TTC29: variants seen among roughly 807,000 people sequenced by gnomAD.
TTC29 encodes the protein tetratricopeptide repeat domain 29, also known as tetratricopeptide repeat protein 29.
TTC29 carries 49 observed loss-of-function variants against 58.1 expected under a neutral mutation model. The observed-to-expected ratio is 0.84, with a 90% CI of 0.67 to 1.07. The LOEUF is 1.07. Among genes scored for constraint, TTC29 ranks in the 50% least tolerant of loss-of-function variants. The pLI, the probability that TTC29 is intolerant of heterozygous loss-of-function variation, is 0.00. For missense variants in TTC29, 582 were observed against 555.6 expected (o/e 1.05, Z -0.48); for synonymous variants, 209 against 196.8 (o/e 1.06, Z -0.52).
chr4:146,905,977 A>T (rs1268752571), intron 5 of TTC29, among the ~76,000 whole-genome samples: 1 of 152,180 alleles, frequency 6.6e-6, no homozygotes, highest in Non-Finnish European at 1.5e-5. Flanking sequence ...AACAAACATT[A>T]TTAGAAAAAA....
At chr4:146,749,320 TA>T (rs959253424) in intron 11 of TTC29, among the ~76,000 whole-genome samples, 9 of 151,698 alleles carry the variant, frequency 5.9e-5, no homozygotes, top group African/African-American at 1.9e-4. Context: ...CAAAACAAAC[TA>T]AAAAGATATA....
chr4:146,797,202 A>G (rs1164734318), intron 11 of TTC29, among the ~76,000 whole-genome samples: 1 of 152,224 alleles, frequency 6.6e-6, no homozygotes, highest in Non-Finnish European at 1.5e-5. Flanking sequence ...CTACAAAATC[A>G]GATTTCTCCA....
At chr4:146,739,307 G>T (rs572313940) in intron 11 of TTC29, among the ~76,000 whole-genome samples, 2 of 152,094 alleles carry the variant, frequency 1.3e-5, no homozygotes, top group Non-Finnish European at 2.9e-5. Context: ...AATTTAAAGT[G>T]CTCTTTAAGG....
At chr4:146,713,481 T>C (rs374414238) in intron 11 of TTC29, among the ~76,000 whole-genome samples, 2 of 152,208 alleles carry the variant, frequency 1.3e-5, no homozygotes, top group African/African-American at 4.8e-5. Context: ...AAACAAAAAG[T>C]TAATCTTTCT....
rs1408301718 is a variant in TTC29 at position 146,894,422 on chromosome 4, T to A, written c.586+9122A>T. ...GGAAACCATCATTCTCAGCAAACTATCACAAGGACAAAAAACCAAACACCA... is the reference window on the plus strand; with the variant it reads ...GGAAACCATCATTCTCAGCAAACTAACACAAGGACAAAAAACCAAACACCA... On this transcript the variant is annotated intron_variant, in intron 6 of 12. Coordinates refer to ENST00000325106, the MANE Select transcript of TTC29 (RefSeq NM_031956.4). 4.6e-5 allele frequency among the ~76,000 whole-genome samples: 7 copies of A among 150,616 alleles called. No homozygotes were observed. The South Asian group carries it at 1.5e-3, about 32-fold the overall frequency.
chr4:146,942,349 A>G (rs1736482038), intron 2 of TTC29, among the ~76,000 whole-genome samples: 1 of 152,244 alleles, frequency 6.6e-6, no homozygotes, highest in South Asian at 2.1e-4. Context: ...TCTCCTACAG[A>G]CTAAACATTA....
At chr4:146,790,713 T>C (rs1749384997) in intron 11 of TTC29, among the ~76,000 whole-genome samples, 1 of 152,142 alleles carries the variant, frequency 6.6e-6, no homozygotes, top group Non-Finnish European at 1.5e-5. Context: ...TTCCTGACCA[T>C]GTGAGTCATG....
intron 10 of TTC29, among the ~76,000 whole-genome samples, chr4:146,805,178 G>C (rs1481959437): frequency 6.6e-6 from 1 of 152,070 alleles, no homozygotes; most frequent in Non-Finnish European, 1.5e-5. Flanking sequence ...AAACATAAAG[G>C]AATAGCATCA....
At position 146,809,175 on chromosome 4, in the gene TTC29, G is replaced by A. The variant is rs564490805; in HGVS notation, c.1102-5490C>T. On this transcript the variant is annotated intron_variant, in intron 10 of 12. Transcript: ENST00000325106. The stretch of plus-strand genomic sequence containing the variant: ...TTAATAAATGGTGCTGGGAAAACTG[G>A]CTAGCCATATGCAAAAAACTGAAAC... 1.2e-4 allele frequency among the ~76,000 whole-genome samples: 18 copies of A among 150,030 alleles called. 2 individuals carry two copies. In the East Asian group the frequency reaches 3.5e-3, roughly 29 times the overall value.
chr4:146,942,416 T>A (rs1310621880), intron 2 of TTC29, among the ~76,000 whole-genome samples: 6 of 152,194 alleles, frequency 3.9e-5, no homozygotes, highest in African/African-American at 1.4e-4. Context: ...TTTTTTAATT[T>A]AAAAAATCTA....
At position 146,859,853 on chromosome 4, in the gene TTC29, C is replaced by A. The variant is rs191946259; in HGVS notation, c.885+7645G>T. Among the ~76,000 whole-genome samples, 5 of 152,192 alleles carry A rather than the reference C, an allele frequency of 3.3e-5. No individual in the cohort carries two copies. The East Asian group carries it at 5.8e-4, about 18-fold the overall frequency. ...AAATAATGGTGCTGTGAGTTAAGAT[C>A]ATCTCTTTTACTGTTCTTTAAGGGT... On this transcript the variant is annotated intron_variant, in intron 8 of 12. Coordinates refer to ENST00000325106, the MANE Select transcript of TTC29 (RefSeq NM_031956.4).
At chr4:146,759,687 C>T (rs569799337) in intron 11 of TTC29, among the ~76,000 whole-genome samples, 4 of 152,058 alleles carry the variant, frequency 2.6e-5, no homozygotes, top group Admixed American at 2.6e-4. Flanking sequence ...ACAAAAATCA[C>T]ATGATCATTT....
chr4:146,793,251 C>T (rs766819569), intron 11 of TTC29, among the ~76,000 whole-genome samples: 2 of 152,090 alleles, frequency 1.3e-5, no homozygotes, highest in Admixed American at 6.5e-5. Context: ...ACAGAGAAAT[C>T]TTTTGTGAAA....
intron 11 of TTC29, among the ~76,000 whole-genome samples, chr4:146,783,121 T>C (rs184517132): frequency 3.2e-4 from 48 of 152,182 alleles, no homozygotes; most frequent in Non-Finnish European, 3.7e-4. Flanking sequence ...AAATAATAAT[T>C]GTATATATTT....
intron 11 of TTC29, among the ~76,000 whole-genome samples, chr4:146,729,990 A>G (rs4273486): frequency 0.6 from 91,185 of 151,492 alleles, 27,894 homozygotes; most frequent in South Asian, 0.67. Flanking sequence ...ACACTCTTTC[A>G]TGGATTCTAC....
chr4:146,943,491 C>T (rs1439593964), intron 2 of TTC29, among the ~76,000 whole-genome samples: 1 of 152,006 alleles, frequency 6.6e-6, no homozygotes, highest in Non-Finnish European at 1.5e-5. Context: ...ACAGTTTAAG[C>T]TTAGAGTCAG....
In TTC29 at chr4:146,833,667, T is replaced by C. The variant is rs17021996; in HGVS notation, c.977+139A>G. On this transcript the variant is annotated intron_variant, in intron 9 of 12. Transcript: ENST00000325106. ...TACCAAACTGGTTTAAAATAACTTATGATGAAAGGGTCACTTAAGAAGGGC... is the reference window on the plus strand; with the variant it reads ...TACCAAACTGGTTTAAAATAACTTACGATGAAAGGGTCACTTAAGAAGGGC... 28,865 of 674,394 alleles carry C rather than the reference T, an allele frequency of 0.043. 1,034 individuals are homozygous for C. Among genetic ancestry groups the C allele is most frequent in the East Asian group, 0.14 (5,009 of 35,534 alleles). 41.8% of individuals were successfully genotyped at this position (674,394 alleles called of 1,614,324 possible). A position where few individuals can be genotyped will look rare whatever the true frequency, so the allele number is the denominator to read the frequency against.
At chr4:146,754,219 C>A (rs766178691) in intron 11 of TTC29, among the ~76,000 whole-genome samples, 1 of 151,450 alleles carries the variant, frequency 6.6e-6, no homozygotes, top group African/African-American at 2.4e-5. Context: ...TATGTCAATA[C>A]ATTGGATAAC....
intron 8 of TTC29, among the ~76,000 whole-genome samples, chr4:146,866,543 C>A (rs1730576498): frequency 6.6e-6 from 1 of 152,002 alleles, no homozygotes; most frequent in African/African-American, 2.4e-5. Flanking sequence ...AGTTGTTTAC[C>A]CTCATTAAAT....
Sources: allele counts gnomAD v4.1 joint callset (sites outside exome capture counted in the v4.1 genomes callset), GRCh38; gene constraint gnomAD v4.1.1; transcripts MANE v1.5; gene names NCBI Gene and HGNC (gene_info 2026-07-23, HGNC 2026-07-21).